Variants in SHE observed in about 807,000 individuals in gnomAD.
SHE encodes the protein Src homology 2 domain containing E, also known as SH2 domain-containing adapter protein E.
Under a neutral mutation model 49.8 loss-of-function variants are expected in SHE, and 11 were observed. The ratio of observed to expected loss-of-function variants is 0.22; its 90% CI spans 0.14 to 0.37. The LOEUF (loss-of-function observed/expected upper bound fraction) is 0.37, where lower values mean the gene tolerates loss of function less well. Ranked by LOEUF, SHE falls within the 10% of genes least tolerant of loss-of-function variation. SHE has a pLI of 1.00. For synonymous variants in SHE, 310 were observed against 278.1 expected, an observed-to-expected ratio of 1.11 and a Z score of -1.14; for missense variants, 624 against 655.5, an observed-to-expected ratio of 0.95 and a Z score of 0.52.
chr1:154,479,044 T>A (rs1299243578), downstream of SHE, among the ~76,000 whole-genome samples: 1 of 152,202 alleles, frequency 6.6e-6, no homozygotes, highest in Non-Finnish European at 1.5e-5. Flanking sequence ...TGGCTGTGTA[T>A]CCAAATCACC....
At chr1:154,477,905 A>G (rs1278511463), downstream of SHE, among the ~76,000 whole-genome samples, 1 of 151,374 alleles carries the variant, frequency 6.6e-6, no homozygotes, top group Non-Finnish European at 1.5e-5. Flanking sequence ...AAAAAAAAAA[A>G]AAAAGAAAGA....
At position 154,502,200 on chromosome 1, in the gene SHE, G is replaced by A. The variant is rs1190959139; in HGVS notation, c.-174C>T. The A allele has an allele frequency of 2.7e-5, 10 of 372,040 alleles. No individual in the cohort carries two copies. The South Asian group carries it at 5.0e-4, about 19-fold the overall frequency. The allele number at this position is 372,040 out of a possible 1,614,324, so 23.0% of individuals were successfully genotyped here. ...CGGCAGGCGACAGGCACGACGCGCG[G>A]GGGGCCCCGCCCGGGCTCGTCTTCA... On this transcript the variant is annotated 5_prime_UTR_variant, in exon 1 of 6. Transcript: ENST00000304760.
At chr1:154,492,578 C>T (rs1692401299) in intron 2 of SHE, among the ~76,000 whole-genome samples, 1 of 152,206 alleles carries the variant, frequency 6.6e-6, no homozygotes. Flanking sequence ...CCTGGACTCT[C>T]AGTCCTACAG....
At chr1:154,499,365 T>G in intron 1 of SHE, 127 bp from the exon 2 acceptor site, 1 of 1,071,602 alleles carries the variant, frequency 9.3e-7, no homozygotes, top group Non-Finnish European at 1.3e-6. Flanking sequence ...CAGTTCCAGA[T>G]AGCTTTTGCA....
In SHE at chr1:154,480,867, G is replaced by C; in HGVS notation, c.*3282C>G. 2 of 985,296 alleles carry C rather than the reference G, an allele frequency of 2.0e-6. No individual in the cohort carries two copies. Among genetic ancestry groups the C allele is most frequent in the Non-Finnish European group, 2.4e-6 (2 of 829,922 alleles). 61.0% of individuals were successfully genotyped at this position (985,296 alleles called of 1,614,324 possible). A position where few individuals can be genotyped will look rare whatever the true frequency, so the allele number is the denominator to read the frequency against. ...AGGTCCTTTACTCTCTCTTCTTATAGGCCTGAAACTAACCAACTGAACTTG... is the reference window on the plus strand; with the variant it reads ...AGGTCCTTTACTCTCTCTTCTTATACGCCTGAAACTAACCAACTGAACTTG... On this transcript the variant is annotated 3_prime_UTR_variant, in exon 6 of 6. Coordinates refer to ENST00000304760, the MANE Select transcript of SHE (RefSeq NM_001010846.3).
intron 5 of SHE, chr1:154,484,994 A>T (rs1409266614): frequency 1.3e-5 from 2 of 151,418 alleles, no homozygotes; most frequent in East Asian, 3.9e-4. Flanking sequence ...AAGAAAAGAA[A>T]CCCCAAAAAA....
At position 154,502,104 on chromosome 1, in the gene SHE, C is replaced by T. The variant is rs551889098; in HGVS notation, c.-78G>A. ...CGTGCGCCCCCGGCCGGCCGTCGCC[C>T]ACGCCCGGCAGGGTGGGGTTCTCAC... On this transcript the variant is annotated 5_prime_UTR_variant, in exon 1 of 6. Transcript: ENST00000304760. 739 of 1,137,112 alleles carry T rather than the reference C, an allele frequency of 6.5e-4. 4 individuals carry two copies. The African/African-American group carries it at 0.011, about 17-fold the overall frequency. The allele number at this position is 1,137,112 out of a possible 1,614,324, so 70.4% of individuals were successfully genotyped here.
intron 2 of SHE, among the ~76,000 whole-genome samples, chr1:154,494,713 C>T (rs1004331764): frequency 5.3e-5 from 8 of 151,998 alleles, no homozygotes; most frequent in Non-Finnish European, 1.2e-4. Context: ...GTAATTTGAA[C>T]AAATTATTTA....
Position 154,483,646 on chromosome 1 carries a change from A to G in SHE, c.*503T>C, listed in dbSNP as rs1012382006. The stretch of plus-strand genomic sequence containing the variant: ...ATGATTTCTTATTGTAGAACTACTT[A>G]GCAAGGAAACAAGGGACAGGCCACA... On this transcript the variant is annotated 3_prime_UTR_variant, in exon 6 of 6. Coordinates refer to ENST00000304760, the MANE Select transcript of SHE (RefSeq NM_001010846.3). 1.0e-6 allele frequency: 1 copy of G among 986,684 alleles called. No individual in the cohort carries two copies. The highest frequency in any genetic ancestry group is 1.2e-6 in the Non-Finnish European group (1 of 830,824). The allele number at this position is 986,684 out of a possible 1,614,324, so 61.1% of individuals were successfully genotyped here.
In SHE at chr1:154,483,564, G is replaced by A; in HGVS notation, c.*585C>T. On this transcript the variant is annotated 3_prime_UTR_variant, in exon 6 of 6. Transcript: ENST00000304760. ...CCTGAACTCCTGACTTAACCTTCCT[G>A]AGGGTCACACCATAAAAAGAACACC... 1.0e-6 allele frequency: 1 copy of A among 985,488 alleles called. No individual in the cohort carries two copies. Among genetic ancestry groups the A allele is most frequent in the Non-Finnish European group, 1.2e-6 (1 of 830,046 alleles). 61.0% of individuals were successfully genotyped at this position (985,488 alleles called of 1,614,324 possible).
chr1:154,496,172 G>A (rs956857149), intron 2 of SHE, among the ~76,000 whole-genome samples: 1 of 152,194 alleles, frequency 6.6e-6, no homozygotes, highest in Non-Finnish European at 1.5e-5. Context: ...TCTCTACACT[G>A]ATTGAGAAGG....
intron 2 of SHE, among the ~76,000 whole-genome samples, chr1:154,491,952 C>T (rs1270424295): frequency 6.6e-6 from 1 of 152,058 alleles, no homozygotes; most frequent in African/African-American, 2.4e-5. Context: ...GGAAGAGGCT[C>T]AGGAGACCGC....
intron 4 of SHE, 108 bp from the exon 5 acceptor site, chr1:154,486,170 CG>C: frequency 6.9e-7 from 1 of 1,445,986 alleles, no homozygotes; most frequent in Non-Finnish European, 9.5e-7. Context: ...CTGGCAGAGA[CG>C]CAACAGCCTG....
At chr1:154,492,790 T>C (rs571274917) in intron 2 of SHE, among the ~76,000 whole-genome samples, 1 of 152,244 alleles carries the variant, frequency 6.6e-6, no homozygotes, top group Non-Finnish European at 1.5e-5. Flanking sequence ...AATCATAGTT[T>C]ACACTCAGTT....
In SHE at chr1:154,485,935, T is replaced by C. The variant is rs1379261241; in HGVS notation, c.1301+8A>G. 8.1e-6 allele frequency: 13 copies of C among 1,612,598 alleles called. No homozygotes were observed. Among genetic ancestry groups the C allele is most frequent in the South Asian group, 7.7e-5 (7 of 91,056 alleles). ...TTGGAGATGAGGAAAGCCATGGGGC[T>C]TACTTACTTTAGGGCAATGGAGTAC... On this transcript the variant is annotated splice_region_variant and intron_variant, in intron 5 of 5. Transcript: ENST00000304760.
chr1:154,483,631 A>G lies in SHE; in HGVS notation c.*518T>C. ...GGCAACAGCTAAATCATGATTTCTT[A>G]TTGTAGAACTACTTAGCAAGGAAAC... is the stretch of plus-strand genomic sequence containing the variant. On this transcript the variant is annotated 3_prime_UTR_variant, in exon 6 of 6. Coordinates refer to ENST00000304760, the MANE Select transcript of SHE (RefSeq NM_001010846.3). 1 of 985,962 alleles carries G rather than the reference A, an allele frequency of 1.0e-6. No homozygotes were observed. Among genetic ancestry groups the G allele is most frequent in the Non-Finnish European group, 1.2e-6 (1 of 830,344 alleles). 61.1% of individuals were successfully genotyped at this position (985,962 alleles called of 1,614,324 possible). A position where few individuals can be genotyped will look rare whatever the true frequency, so the allele number is the denominator to read the frequency against.
chr1:154,475,119 G>A (rs1213779906), downstream of SHE, among the ~76,000 whole-genome samples: 2 of 152,190 alleles, frequency 1.3e-5, no homozygotes, highest in Non-Finnish European at 2.9e-5. Flanking sequence ...TACAGGGGAG[G>A]GCTGAGGGCA....
intron 2 of SHE, among the ~76,000 whole-genome samples, chr1:154,495,235 G>A (rs980537251): frequency 6.6e-6 from 1 of 152,162 alleles, no homozygotes; most frequent in Admixed American, 6.5e-5. Context: ...GTTTCAAAGC[G>A]GTGGCTAAAA....
downstream of SHE, among the ~76,000 whole-genome samples, chr1:154,477,245 A>G (rs957817408): frequency 6.6e-6 from 1 of 152,228 alleles, no homozygotes; most frequent in Non-Finnish European, 1.5e-5. Context: ...TAGAGAGCAC[A>G]TTGATCACAC....
Sources: allele counts gnomAD v4.1 joint callset (sites outside exome capture counted in the v4.1 genomes callset), GRCh38; gene constraint gnomAD v4.1.1; transcripts MANE v1.5; gene names NCBI Gene and HGNC (gene_info 2026-07-23, HGNC 2026-07-21).